The following ALDH1A2 variants were observed in gnomAD, a reference collection of about 807,000 sequenced individuals.
ALDH1A2 encodes retinal dehydrogenase 2.
Under a neutral mutation model 60.3 loss-of-function variants are expected in ALDH1A2, and 27 were observed. The ratio of observed to expected loss-of-function variants is 0.45; its 90% CI spans 0.33 to 0.62. The LOEUF is 0.62. Among genes scored for constraint, ALDH1A2 ranks in the 20% least tolerant of loss-of-function variants. ALDH1A2 has a pLI of 0.02. For synonymous variants in ALDH1A2, 289 were observed against 232.4 expected (o/e 1.24, Z -2.21); for missense variants, 581 against 643.8 (o/e 0.90, Z 1.06).
At chr15:58,018,326 T>C (rs141042857) in intron 1 of ALDH1A2, among the ~76,000 whole-genome samples, 1 of 152,148 alleles carries the variant, frequency 6.6e-6, no homozygotes, top group Non-Finnish European at 1.5e-5. Flanking sequence ...TTCATAATGA[T>C]ATACATTTTT....
At chr15:58,024,001 G>A (rs1595673708) in intron 1 of ALDH1A2, among the ~76,000 whole-genome samples, 1 of 152,218 alleles carries the variant, frequency 6.6e-6, no homozygotes, top group East Asian at 1.9e-4. Context: ...GCTGAGGCAG[G>A]AGAATCGCTT....
chr15:57,963,743 T>C (rs896671132), intron 9 of ALDH1A2, 142 bp downstream of exon 9: 5 of 834,252 alleles, frequency 6.0e-6, no homozygotes, highest in Non-Finnish European at 9.6e-6. Flanking sequence ...TCTGGCTCCA[T>C]TTCCAGCCAC....
chr15:58,006,859 TAA>T (rs35453203), intron 4 of ALDH1A2, among the ~76,000 whole-genome samples: 4,020 of 139,810 alleles, frequency 0.029, 65 homozygotes, highest in African/African-American at 0.046. Context: ...CTCATATTGT[TAA>T]AAAAAAAAAA....
chr15:57,955,294 C>G, intron 12 of ALDH1A2, 25 bp from the exon 13 acceptor site: 1 of 1,613,536 alleles, frequency 6.2e-7, no homozygotes, highest in Non-Finnish European at 8.5e-7. Context: ...TGGGCCGGGT[C>G]AGATACCAGA....
chr15:57,969,097 TATGGGAGAACCACTTCC>T (rs1362659663), intron 7 of ALDH1A2, among the ~76,000 whole-genome samples: 9 of 152,232 alleles, frequency 5.9e-5, no homozygotes, highest in African/African-American at 1.9e-4. Context: ...TGTGTTAGGC[TATGGGAGAACCACTTCC>T]ATCTGGAGTG....
intron 4 of ALDH1A2, among the ~76,000 whole-genome samples, chr15:57,996,298 CCT>C (rs35255029): frequency 4.0e-3 from 569 of 143,592 alleles, no homozygotes; most frequent in Non-Finnish European, 3.9e-3. Context: ...AAAGTCTTGG[CCT>C]CTCTCTCTCT....
chr15:57,962,959 C>T (rs1393283689), intron 9 of ALDH1A2, among the ~76,000 whole-genome samples: 7 of 152,160 alleles, frequency 4.6e-5, no homozygotes, highest in South Asian at 2.1e-4. Flanking sequence ...TCGATGATTA[C>T]GGTGAACCTG....
intron 7 of ALDH1A2, among the ~76,000 whole-genome samples, chr15:57,972,747 TG>T (rs1392519986): frequency 1.3e-5 from 2 of 152,228 alleles, no homozygotes; most frequent in Non-Finnish European, 2.9e-5. Context: ...CACATGAAAC[TG>T]GTTTTTTCAA....
At chr15:57,974,785 ATT>A (rs1420713788) in intron 7 of ALDH1A2, among the ~76,000 whole-genome samples, 1 of 152,252 alleles carries the variant, frequency 6.6e-6, no homozygotes, top group Non-Finnish European at 1.5e-5. Context: ...GGACATCAAA[ATT>A]AAAAACTTTA....
intron 4 of ALDH1A2, among the ~76,000 whole-genome samples, chr15:57,996,862 C>A (rs1895081921): frequency 6.6e-6 from 1 of 151,962 alleles, no homozygotes; most frequent in South Asian, 2.1e-4. Context: ...TGGAAAACTG[C>A]AACTTGTTTT....
At chr15:57,998,532 A>G (rs537106828) in intron 4 of ALDH1A2, among the ~76,000 whole-genome samples, 9 of 152,102 alleles carry the variant, frequency 5.9e-5, no homozygotes, top group Non-Finnish European at 1.3e-4. Flanking sequence ...ACTAAAAACC[A>G]CTAATCAGGG....
chr15:58,045,831 T>G (rs1048113997), intron 1 of ALDH1A2, among the ~76,000 whole-genome samples: 20 of 151,920 alleles, frequency 1.3e-4, no homozygotes, highest in African/African-American at 4.6e-4. Flanking sequence ...AAAGTATAAT[T>G]AAAAAAGAAT....
At chr15:57,989,562 A>AAATT (rs1555401143) in intron 7 of ALDH1A2, among the ~76,000 whole-genome samples, 3 of 152,214 alleles carry the variant, frequency 2.0e-5, no homozygotes, top group Non-Finnish European at 2.9e-5. Flanking sequence ...AGAACAGAAA[A>AAATT]AATTATGAGC....
intron 1 of ALDH1A2, among the ~76,000 whole-genome samples, chr15:58,055,858 G>C (rs1896882012): frequency 6.6e-6 from 1 of 152,012 alleles, no homozygotes; most frequent in African/African-American, 2.4e-5. Context: ...CTAACAGGAT[G>C]AAGTATATTA....
chr15:58,055,047 G>A (rs1308981105), intron 1 of ALDH1A2, among the ~76,000 whole-genome samples: 3 of 152,002 alleles, frequency 2.0e-5, no homozygotes, highest in Admixed American at 1.3e-4. Context: ...TGGGCTTGGG[G>A]TTTCCTATGA....
At chr15:58,013,797 G>A (rs1895705410) in intron 3 of ALDH1A2, 61 bp downstream of exon 3, 1 of 1,598,116 alleles carries the variant, frequency 6.3e-7, no homozygotes, top group East Asian at 2.2e-5. Context: ...GCCGAAGAAT[G>A]TAAATTTCAG....
At chr15:57,975,846 A>G (rs1894235769) in intron 7 of ALDH1A2, among the ~76,000 whole-genome samples, 1 of 151,982 alleles carries the variant, frequency 6.6e-6, no homozygotes, top group African/African-American at 2.4e-5. Context: ...TAAGACAGAG[A>G]GATTACAAAG....
Position 58,003,169 on chromosome 15 carries a change from G to A in ALDH1A2, c.493+7480C>T, listed in dbSNP as rs141533018. Among the ~76,000 whole-genome samples, 591 of 151,946 alleles carry A rather than the reference G, an allele frequency of 3.9e-3. 5 individuals carry two copies. Among genetic ancestry groups the A allele is most frequent in the African/African-American group, 0.013 (560 of 41,482 alleles). On this transcript the variant is annotated intron_variant, in intron 4 of 12. Transcript: ENST00000249750. ...CAGGAGATCAGCCTTAGGGATCCCT[G>A]AGGCCCTTTTCAGCTTCAACCTCTT...
intron 1 of ALDH1A2, among the ~76,000 whole-genome samples, chr15:58,055,512 G>T (rs1172356857): frequency 1.3e-5 from 2 of 151,960 alleles, no homozygotes; most frequent in African/African-American, 4.8e-5. Flanking sequence ...TGCAAAAATT[G>T]TACCACTGAG....
Sources: gnomAD v4.1 joint callset for allele counts (sites outside exome capture counted in the v4.1 genomes callset) on GRCh38, gnomAD v4.1.1 for gene constraint, MANE v1.5 for transcripts, NCBI Gene and HGNC (gene_info 2026-07-23, HGNC 2026-07-21) for gene names.